CRHR1: variants seen among roughly 807,000 people sequenced by gnomAD.
CRHR1 encodes corticotropin-releasing hormone receptor 1.
Under a neutral mutation model 56.0 loss-of-function variants are expected in CRHR1, and 28 were observed. The observed-to-expected ratio is 0.50, with a 90% CI of 0.37 to 0.69. CRHR1 has a LOEUF of 0.69. Among genes scored for constraint, CRHR1 ranks in the 30% least tolerant of loss-of-function variants. The pLI is 0.00. For synonymous variants in CRHR1, 195 were observed against 216.5 expected, an observed-to-expected ratio of 0.90 and a Z score of 0.87; for missense variants, 376 against 548.0, an observed-to-expected ratio of 0.69 and a Z score of 3.13.
intron 3 of CRHR1, among the ~76,000 whole-genome samples, chr17:45,817,505 C>T (rs1238055107): frequency 6.6e-6 from 1 of 152,258 alleles, no homozygotes; most frequent in Admixed American, 6.5e-5. Flanking sequence ...TCATCTGGCC[C>T]TCAGCCCCTC....
chr17:45,789,666 A>C (rs924660768), intron 1 of CRHR1, among the ~76,000 whole-genome samples: 2 of 152,216 alleles, frequency 1.3e-5, no homozygotes, highest in African/African-American at 4.8e-5. Context: ...CGTAAGCCAC[A>C]GTGCCCAGCC....
intron 8 of CRHR1, among the ~76,000 whole-genome samples, chr17:45,832,721 C>T (rs1043386967): frequency 2.6e-5 from 4 of 152,222 alleles, no homozygotes; most frequent in African/African-American, 9.6e-5. Context: ...GCTGAGATTG[C>T]GAACTGCTGG....
intron 1 of CRHR1, among the ~76,000 whole-genome samples, chr17:45,790,098 G>A (rs1413492555): frequency 6.6e-6 from 1 of 152,184 alleles, no homozygotes; most frequent in African/African-American, 2.4e-5. Flanking sequence ...TCCTGCGTCA[G>A]AGCACTTTTC....
intron 1 of CRHR1, among the ~76,000 whole-genome samples, chr17:45,806,734 G>C (rs974711734): frequency 6.6e-6 from 1 of 152,158 alleles, no homozygotes; most frequent in Admixed American, 6.5e-5. Flanking sequence ...GGTAAAATTC[G>C]CCTCTTCCCT....
At chr17:45,821,071 C>T (rs1404530729) in intron 3 of CRHR1, among the ~76,000 whole-genome samples, 2 of 152,240 alleles carry the variant, frequency 1.3e-5, no homozygotes, top group Non-Finnish European at 2.9e-5. Context: ...GCCCAGGGAG[C>T]TGGTCAAGCC....
intron 1 of CRHR1, among the ~76,000 whole-genome samples, chr17:45,791,493 C>A (rs1463577243): frequency 2.0e-5 from 3 of 152,108 alleles, no homozygotes; most frequent in African/African-American, 7.2e-5. Flanking sequence ...GACCTGCCTG[C>A]CTGCCTTGGT....
At chr17:45,798,818 C>A (rs567161367) in intron 1 of CRHR1, among the ~76,000 whole-genome samples, 8 of 152,190 alleles carry the variant, frequency 5.3e-5, no homozygotes, top group Non-Finnish European at 1.0e-4. Context: ...AGGCTTCCCC[C>A]CTCCCTTAAC....
chr17:45,788,422 A>G (rs940813182), intron 1 of CRHR1, among the ~76,000 whole-genome samples: 1 of 152,180 alleles, frequency 6.6e-6, no homozygotes, highest in Non-Finnish European at 1.5e-5. Context: ...ATGACCTCAC[A>G]TAGAAAGAGG....
rs922563343 is a variant in CRHR1, at chr17:45,835,514, G to A, written c.*750G>A. On this transcript the variant is annotated 3_prime_UTR_variant, in exon 13 of 13. Coordinates refer to ENST00000314537, the MANE Select transcript of CRHR1 (RefSeq NM_004382.5). ...CTCTTTTGTGAGAAGATGGGGGCTG[G>A]AGGGGGCAGAGTGGCCTGTGAGCAA... 1 of 152,804 alleles carries A rather than the reference G, an allele frequency of 6.5e-6. No homozygotes were observed. The highest frequency in any genetic ancestry group is 1.5e-5 in the Non-Finnish European group (1 of 68,376). 9.5% of individuals were successfully genotyped at this position (152,804 alleles called of 1,614,324 possible).
intron 3 of CRHR1, among the ~76,000 whole-genome samples, chr17:45,819,571 G>A (rs1167600924): frequency 1.3e-5 from 2 of 152,034 alleles, no homozygotes; most frequent in Non-Finnish European, 2.9e-5. Context: ...GGGTTCTCCT[G>A]GTTCCTCGTC....
At chr17:45,802,973 T>C (rs1383003580) in intron 1 of CRHR1, among the ~76,000 whole-genome samples, 1 of 152,210 alleles carries the variant, frequency 6.6e-6, no homozygotes, top group Non-Finnish European at 1.5e-5. Flanking sequence ...AGTGCTCTAC[T>C]TGTGAGCCTC....
At chr17:45,816,802 T>C (rs2061938933) in intron 3 of CRHR1, among the ~76,000 whole-genome samples, 1 of 152,180 alleles carries the variant, frequency 6.6e-6, no homozygotes, top group African/African-American at 2.4e-5. Context: ...ACGCCTCCTA[T>C]AACTAAGGCC....
intron 4 of CRHR1, among the ~76,000 whole-genome samples, chr17:45,828,654 G>A (rs2062221045): frequency 6.6e-6 from 1 of 152,230 alleles, no homozygotes; most frequent in South Asian, 2.1e-4. Flanking sequence ...GGAGCCTAAG[G>A]AGACTTTTCT....
chr17:45,804,856 C>T (rs1436212840), intron 1 of CRHR1, among the ~76,000 whole-genome samples: 1 of 151,896 alleles, frequency 6.6e-6, no homozygotes, highest in Non-Finnish European at 1.5e-5. Context: ...ACTCTATCGC[C>T]CAGGCTGGAG....
At position 45,807,046 on chromosome 17, in the gene CRHR1, T is replaced by G; in HGVS notation, c.70T>G (p.Ser24Ala). 1 of 1,613,976 alleles carries G rather than the reference T, an allele frequency of 6.2e-7. No homozygotes were observed. The highest frequency in any genetic ancestry group is 8.5e-7 in the Non-Finnish European group (1 of 1,179,980). The change falls in exon 2 of 13, where the codon TCC (serine) becomes GCC (alanine). Residue 24 changes from serine to alanine, a missense_variant. Physicochemically the swap from Ser to Ala is moderately conservative, Grantham distance 99. This residue lies in a region of CRHR1 where 369 missense variants were observed against 519.5 expected (regional missense o/e 0.71). Transcript: ENST00000314537. ...TCTGGGGCTGAACCCCGTCTCTGCC[T>G]CCCTCCAGGACCAGCACTGCGAGAG... ...LLLGLNPVSASLQDQHCESLS... is the reference protein window; with the variant it reads ...LLLGLNPVSAALQDQHCESLS...
chr17:45,797,307 T>A (rs113427140), intron 1 of CRHR1, among the ~76,000 whole-genome samples: 4 of 137,276 alleles, frequency 2.9e-5, no homozygotes, highest in Non-Finnish European at 6.4e-5. Context: ...TTTTTTTTTT[T>A]TGAGACGGAG....
At chr17:45,821,166 A>G (rs1449614579) in intron 3 of CRHR1, among the ~76,000 whole-genome samples, 189 bp from the exon 4 acceptor site, 7 of 152,366 alleles carry the variant, frequency 4.6e-5, no homozygotes, top group African/African-American at 1.7e-4. Flanking sequence ...CTGGAGGCCA[A>G]TGGGCAGAAA....
At position 45,834,137 on chromosome 17, in the gene CRHR1, G is replaced by A. The variant is rs2062384337; in HGVS notation, c.1107+89G>A. 1.1e-5 allele frequency: 16 copies of A among 1,507,420 alleles called. No homozygotes were observed. The East Asian group carries it at 3.4e-4, about 32-fold the overall frequency. The allele number at this position is 1,507,420 out of a possible 1,614,324, so 93.4% of individuals were successfully genotyped here. ...TCTAGAGCCTTCTCCTCCCCTCCCA[G>A]GGCTGCCTCTCTCCCTCCCTGCTCC... On this transcript the variant is annotated intron_variant, in intron 12 of 12. Coordinates refer to ENST00000314537, the MANE Select transcript of CRHR1 (RefSeq NM_004382.5).
rs773215403 is a variant in CRHR1 at position 45,821,454 on chromosome 17, G to A, written c.327+14G>A. 1.3e-5 allele frequency: 21 copies of A among 1,609,762 alleles called. No individual in the cohort carries two copies. Among genetic ancestry groups the A allele is most frequent in the Middle Eastern group, 1.7e-4 (1 of 6,060 alleles). On this transcript the variant is annotated intron_variant, in intron 4 of 12. Coordinates refer to ENST00000314537, the MANE Select transcript of CRHR1 (RefSeq NM_004382.5). Reference sequence around the variant, plus strand: ...CTCAATGAGGAGGTGAGGCTGAGCCGAACAAGGCTGCCCATATGGAGGGGA... The same window carrying A: ...CTCAATGAGGAGGTGAGGCTGAGCCAAACAAGGCTGCCCATATGGAGGGGA...
Sources: allele counts gnomAD v4.1 joint callset (sites outside exome capture counted in the v4.1 genomes callset), GRCh38; gene constraint gnomAD v4.1.1; regional missense constraint gnomAD v4.1.1; transcripts MANE v1.5; gene names NCBI Gene and HGNC (gene_info 2026-07-23, HGNC 2026-07-21).